NAALADL2: variants seen among roughly 807,000 people sequenced by gnomAD.
NAALADL2 encodes inactive N-acetylated-alpha-linked acidic dipeptidase-like protein 2.
Under a neutral mutation model 87.2 loss-of-function variants are expected in NAALADL2, and 76 were observed. The ratio of observed to expected loss-of-function variants is 0.87; its 90% CI spans 0.72 to 1.05. NAALADL2 has a LOEUF of 1.05. Among genes scored for constraint, NAALADL2 ranks in the 50% least tolerant of loss-of-function variants. The probability of loss-of-function intolerance (pLI) is 0.00; values close to 1 mark genes in which losing one functional copy is unlikely to be tolerated. For synonymous variants in NAALADL2, 354 were observed against 331.0 expected, an observed-to-expected ratio of 1.07 and a Z score of -0.75; for missense variants, 1,089 against 945.8, an observed-to-expected ratio of 1.15 and a Z score of -1.99.
At chr3:175,266,425 G>A (rs920493323) in intron 4 of NAALADL2, among the ~76,000 whole-genome samples, 8 of 151,314 alleles carry the variant, frequency 5.3e-5, no homozygotes, top group Non-Finnish European at 7.4e-5. Context: ...CTTAAATTTT[G>A]CCTAATATTC....
intron 1 of NAALADL2, among the ~76,000 whole-genome samples, chr3:174,444,764 TAATTATAG>T (rs1330188782): frequency 1.3e-5 from 2 of 152,302 alleles, no homozygotes; most frequent in East Asian, 3.9e-4. Flanking sequence ...GTGGTCAGTC[TAATTATAG>T]AATGGTGGTA....
chr3:175,643,652 T>A (rs1729590427), intron 11 of NAALADL2, among the ~76,000 whole-genome samples: 1 of 152,184 alleles, frequency 6.6e-6, no homozygotes, highest in Admixed American at 6.5e-5. Flanking sequence ...GAAAAAATCA[T>A]TACAATCACT....
At chr3:175,802,654 A>AAGATAT (rs59124967) in intron 13 of NAALADL2, among the ~76,000 whole-genome samples, 1 of 151,512 alleles carries the variant, frequency 6.6e-6, no homozygotes, top group African/African-American at 2.4e-5. Context: ...GGTATAATTT[A>AAGATAT]TTTTTTTCTG....
chr3:175,633,954 A>T (rs1165377547), intron 11 of NAALADL2, among the ~76,000 whole-genome samples: 2 of 151,908 alleles, frequency 1.3e-5, no homozygotes, highest in Non-Finnish European at 2.9e-5. Context: ...ATTGATTTCC[A>T]TTATATATGT....
At chr3:175,060,075 T>C in intron 1 of NAALADL2, 1 of 299,706 alleles carries the variant, frequency 3.3e-6, no homozygotes, top group Non-Finnish European at 6.9e-6. Flanking sequence ...AATGAAAGAG[T>C]GTAAATTGTG....
intron 6 of NAALADL2, among the ~76,000 whole-genome samples, chr3:175,454,674 T>A (rs979549823): frequency 2.6e-5 from 4 of 152,130 alleles, no homozygotes; most frequent in Non-Finnish European, 5.9e-5. Context: ...AGTTCTTAAT[T>A]TCTTGCTAAT....
At chr3:175,744,959 A>AC (rs965970629) in intron 12 of NAALADL2, among the ~76,000 whole-genome samples, 9 of 152,174 alleles carry the variant, frequency 5.9e-5, no homozygotes, top group African/African-American at 2.2e-4. Flanking sequence ...TGCAGTGAAA[A>AC]AAAAAAACTG....
At chr3:174,949,900 T>C (rs1740061082) in intron 1 of NAALADL2, among the ~76,000 whole-genome samples, 3 of 152,324 alleles carry the variant, frequency 2.0e-5, no homozygotes, top group African/African-American at 7.2e-5. Flanking sequence ...AGATTCTCTG[T>C]GCTCCTTTTT....
At chr3:174,748,145 A>G (rs1329560381) in intron 3 of NAALADL2, among the ~76,000 whole-genome samples, 1 of 151,932 alleles carries the variant, frequency 6.6e-6, no homozygotes, top group African/African-American at 2.4e-5. Flanking sequence ...GGAACAACAC[A>G]CACTTGGGTC....
intron 13 of NAALADL2, among the ~76,000 whole-genome samples, chr3:175,783,445 G>A (rs1172912808): frequency 6.6e-6 from 1 of 151,240 alleles, no homozygotes; most frequent in African/African-American, 2.4e-5. Flanking sequence ...TGGATTCCTA[G>A]GTATTTTATT....
intron 1 of NAALADL2, among the ~76,000 whole-genome samples, chr3:174,505,036 C>A (rs1719116856): frequency 6.6e-6 from 1 of 152,080 alleles, no homozygotes; most frequent in Non-Finnish European, 1.5e-5. Context: ...AAATAGAATG[C>A]AGCACTTTTA....
chr3:174,985,948 G>A (rs1301541759), intron 1 of NAALADL2, among the ~76,000 whole-genome samples: 6 of 151,560 alleles, frequency 4.0e-5, no homozygotes, highest in East Asian at 1.9e-4. Context: ...GCGAAACTCC[G>A]TCTCAAAAAA....
chr3:174,451,310 C>T (rs8179996), intron 1 of NAALADL2, among the ~76,000 whole-genome samples: 41,524 of 152,050 alleles, frequency 0.27, 6,080 homozygotes, highest in South Asian at 0.45. Context: ...GAAATTTGCT[C>T]TTGATTTCAT....
At chr3:175,413,665 A>G (rs1157677000) in intron 5 of NAALADL2, among the ~76,000 whole-genome samples, 4 of 151,822 alleles carry the variant, frequency 2.6e-5, no homozygotes, top group Admixed American at 2.6e-4. Flanking sequence ...AATTACCTTG[A>G]GACAAAGGCA....
rs1298739169 is a variant in NAALADL2, at chr3:175,447,235, G to T, written c.1097G>T (p.Ser366Ile). The T allele has an allele frequency of 1.3e-6, 2 of 1,582,118 alleles. No homozygotes were observed. The highest frequency in any genetic ancestry group is 2.4e-5 in the South Asian group (2 of 84,906). The change falls in exon 6 of 14, where the codon AGT becomes ATT. Residue 366 changes from serine to isoleucine, a missense_variant. By Grantham distance (142) the Ser-to-Ile change is moderately radical. Transcript: ENST00000454872. ...STPGYPSVDE[S>I]FRQSRSNLTS... The stretch of plus-strand genomic sequence containing the variant: ...CTTTGTCTTTTGAATACAGATGAAA[G>T]TTTTAGACAAAGCCGATCAAACCTC...
intron 3 of NAALADL2, among the ~76,000 whole-genome samples, chr3:174,765,600 A>G (rs576906267): frequency 6.6e-6 from 1 of 152,316 alleles, no homozygotes; most frequent in East Asian, 1.9e-4. Flanking sequence ...TTAGTTGACA[A>G]CAATGTTGCT....
intron 3 of NAALADL2, among the ~76,000 whole-genome samples, chr3:174,787,035 T>C (rs796507): frequency 0.56 from 78,366 of 140,122 alleles, 20,634 homozygotes; most frequent in Middle Eastern, 0.65. Flanking sequence ...TATACTGCAA[T>C]ATAATAAATT....
intron 11 of NAALADL2, among the ~76,000 whole-genome samples, chr3:175,717,618 G>C (rs1161163500): frequency 6.6e-6 from 1 of 151,002 alleles, no homozygotes; most frequent in Non-Finnish European, 1.5e-5. Flanking sequence ...TTGAGCCCAG[G>C]AGGTAGAGGC....
At position 175,804,889 on chromosome 3, in the gene NAALADL2, G is replaced by A. The variant is rs1754567373; in HGVS notation, c.*1686G>A. On this transcript the variant is annotated 3_prime_UTR_variant, in exon 14 of 14. Coordinates refer to ENST00000454872, the MANE Select transcript of NAALADL2 (RefSeq NM_207015.3). ...CCATTTTCATCGAAATTGCCTGTGT[G>A]CACATATTTTTAGATGAAAAATGAA... The A allele has an allele frequency of 6.6e-6, 1 of 151,874 alleles. No individual in the cohort carries two copies. The highest frequency in any genetic ancestry group is 6.6e-5 in the Admixed American group (1 of 15,204). 9.4% of individuals were successfully genotyped at this position (151,874 alleles called of 1,614,324 possible).
Sources: gnomAD v4.1 joint callset for allele counts (sites outside exome capture counted in the v4.1 genomes callset) on GRCh38, gnomAD v4.1.1 for gene constraint, MANE v1.5 for transcripts, NCBI Gene and HGNC (gene_info 2026-07-23, HGNC 2026-07-21) for gene names.